Variants in FGD6 observed in about 807,000 individuals in gnomAD.
The protein encoded by FGD6 is FYVE, RhoGEF and PH domain containing 6.
A neutral mutation model predicts 149.4 loss-of-function variants in FGD6; 90 were observed. The observed-to-expected ratio is 0.60, with a 90% confidence interval of 0.51 to 0.72. The LOEUF is 0.72. Among genes scored for constraint, FGD6 ranks in the 30% least tolerant of loss-of-function variants. The pLI is 0.00. For synonymous variants in FGD6, 527 were observed against 584.0 expected, an observed-to-expected ratio of 0.90 and a Z score of 1.41; for missense variants, 1,437 against 1,684.8, an observed-to-expected ratio of 0.85 and a Z score of 2.57.
intron 2 of FGD6, among the ~76,000 whole-genome samples, chr12:95,183,629 A>T (rs1441617573): frequency 6.6e-6 from 1 of 152,180 alleles, no homozygotes. Context: ...ATTTGAACCC[A>T]GGAGTTTGAG....
intron 5 of FGD6, among the ~76,000 whole-genome samples, chr12:95,149,324 TTA>T (rs1426981347): frequency 8.2e-4 from 60 of 73,070 alleles, no homozygotes; most frequent in African/African-American, 2.9e-3. Flanking sequence ...ATAGCATATA[TTA>T]TATAATATAT....
At chr12:95,101,396 C>T (rs1056220873) in intron 14 of FGD6, among the ~76,000 whole-genome samples, 3 of 152,058 alleles carry the variant, frequency 2.0e-5, no homozygotes, top group African/African-American at 4.8e-5. Context: ...GTTCATTACA[C>T]CTGTCTGGTA....
chr12:95,125,826 A>C, intron 8 of FGD6: 1 of 981,806 alleles, frequency 1.0e-6, no homozygotes, highest in South Asian at 1.3e-5. Context: ...TCATGCTGGA[A>C]AATTCATTGT....
chr12:95,201,891 T>C (rs943298067), intron 2 of FGD6, among the ~76,000 whole-genome samples: 2 of 151,960 alleles, frequency 1.3e-5, no homozygotes, highest in Non-Finnish European at 2.9e-5. Flanking sequence ...ATGCAATCTT[T>C]TATTCTCCCA....
chr12:95,139,049 T>A (rs1879764954), intron 6 of FGD6, among the ~76,000 whole-genome samples: 1 of 152,226 alleles, frequency 6.6e-6, no homozygotes. Context: ...TTTCATCAAT[T>A]GTTGTTAAAA....
At chr12:95,207,539 T>C (rs886645698) in intron 2 of FGD6, among the ~76,000 whole-genome samples, 2 of 152,126 alleles carry the variant, frequency 1.3e-5, no homozygotes, top group Admixed American at 6.5e-5. Context: ...AAACAAACAT[T>C]AGAAATACAA....
chr12:95,158,450 G>A (rs955760852), intron 3 of FGD6, among the ~76,000 whole-genome samples: 1 of 151,644 alleles, frequency 6.6e-6, no homozygotes, highest in Admixed American at 6.6e-5. Flanking sequence ...GCTGGGATTA[G>A]AGGCATGATC....
intron 1 of FGD6, among the ~76,000 whole-genome samples, chr12:95,215,938 C>T (rs182093367): frequency 1.8e-4 from 27 of 152,288 alleles, no homozygotes; most frequent in African/African-American, 6.5e-4. Flanking sequence ...AAATCAATTT[C>T]TTGAACGAAG....
At chr12:95,122,244 AT>A (rs1200962867) in intron 8 of FGD6, among the ~76,000 whole-genome samples, 1 of 152,206 alleles carries the variant, frequency 6.6e-6, no homozygotes, top group African/African-American at 2.4e-5. Flanking sequence ...AGCTAAGTAA[AT>A]GGTACTATAA....
chr12:95,207,740 T>A (rs2056700252), intron 2 of FGD6, among the ~76,000 whole-genome samples: 1 of 152,000 alleles, frequency 6.6e-6, no homozygotes. Context: ...ATACAGAACA[T>A]CAGACATGCC....
At chr12:95,105,749 C>A (rs1312556154) in intron 13 of FGD6, among the ~76,000 whole-genome samples, 3 of 152,124 alleles carry the variant, frequency 2.0e-5, no homozygotes, top group Admixed American at 2.0e-4. Flanking sequence ...ACAGGCAGGG[C>A]GCAGTGGCTC....
chr12:95,159,275 C>A (rs1368058794), intron 3 of FGD6, among the ~76,000 whole-genome samples: 1 of 152,078 alleles, frequency 6.6e-6, no homozygotes, highest in Middle Eastern at 3.2e-3. Context: ...GAGGAGGCTA[C>A]TCCATACAAA....
At chr12:95,214,335 T>C (rs1221199380) in intron 1 of FGD6, among the ~76,000 whole-genome samples, 1 of 152,220 alleles carries the variant, frequency 6.6e-6, no homozygotes, top group Non-Finnish European at 1.5e-5. Context: ...TTAGCAGGAA[T>C]CAATTTCAAT....
At chr12:95,143,140 C>T (rs1271325284) in intron 5 of FGD6, among the ~76,000 whole-genome samples, 1 of 152,124 alleles carries the variant, frequency 6.6e-6, no homozygotes, top group African/African-American at 2.4e-5. Flanking sequence ...ACTAATAGGC[C>T]TTATCTTCCC....
In FGD6 at chr12:95,210,037, G is replaced by C. The variant is rs1280786412; in HGVS notation, c.1247C>G (p.Pro416Arg). 2.2e-5 allele frequency: 35 copies of C among 1,613,950 alleles called. No individual in the cohort carries two copies. The highest frequency in any genetic ancestry group is 2.9e-5 in the Non-Finnish European group (34 of 1,179,986). The part of the protein sequence containing the change: ...NETTSFEKMA[P>R]SFDKDSNLSS... ...CAAATTAGAGTCTTTATCAAAAGAA[G>C]GTGCCATTTTTTCAAAGGAAGTTGT... The change falls in exon 2 of 21, where the codon CCT becomes CGT. Residue 416 changes from proline (P) to arginine (R), a missense_variant. Pro to Arg is a moderately radical substitution (Grantham distance 103). Around this residue, in one of 2 missense-constraint regions of FGD6, gnomAD observed 1,055 missense variants for 1,146.0 expected, o/e 0.92. Coordinates refer to ENST00000343958, the MANE Select transcript of FGD6 (RefSeq NM_018351.4).
chr12:95,153,135 C>T, intron 3 of FGD6, 142 bp from the exon 4 acceptor site: 1 of 674,988 alleles, frequency 1.5e-6, no homozygotes, highest in Middle Eastern at 4.0e-4. Context: ...TTTCAAATGG[C>T]AAACGTGGAG....
At chr12:95,119,189 T>C (rs1249309680) in intron 8 of FGD6, among the ~76,000 whole-genome samples, 1 of 152,228 alleles carries the variant, frequency 6.6e-6, no homozygotes, top group African/African-American at 2.4e-5. Context: ...ACTTTGGCCA[T>C]GCCCCATAGC....
rs760706801 is a variant in FGD6 at position 95,210,706 on chromosome 12, G to A, written c.578C>T (p.Pro193Leu). 4 of 1,613,830 alleles carry A rather than the reference G, an allele frequency of 2.5e-6. No homozygotes were observed. The highest frequency in any genetic ancestry group is 3.4e-6 in the Non-Finnish European group (4 of 1,179,960). ...CCTGTGCTTCTGTGCAGAAATAAAA[G>A]GTGGCATTTGGTGTATTAAGGCATC... ...LKDALIHQMP[P>L]FISAQKHRPT... The change falls in exon 2 of 21, where the codon CCT (proline) becomes CTT (leucine). Residue 193 changes from proline to leucine, a missense_variant. Transcript: ENST00000343958.
In FGD6 at chr12:95,108,425, G is replaced by C. The variant is rs182979370; in HGVS notation, c.3193-6C>G. Reference sequence around the variant, plus strand: ...ATAAGTTTCTGAAAGTTGTCCTACAGAAAGACAATGGAAAGCATATGAAGG... The same window carrying C: ...ATAAGTTTCTGAAAGTTGTCCTACACAAAGACAATGGAAAGCATATGAAGG... On this transcript the variant is annotated splice_region_variant and splice_polypyrimidine_tract_variant and intron_variant, in intron 10 of 20. Transcript: ENST00000343958. The C allele has an allele frequency of 5.3e-5, 85 of 1,614,062 alleles. 1 individual carries two copies. The highest frequency in any genetic ancestry group is 6.6e-5 in the Non-Finnish European group (78 of 1,179,972).
Sources: gnomAD v4.1 joint callset for allele counts (sites outside exome capture counted in the v4.1 genomes callset) on GRCh38, gnomAD v4.1.1 for gene constraint, gnomAD v4.1.1 regional missense constraint, MANE v1.5 for transcripts, NCBI Gene and HGNC (gene_info 2026-07-23, HGNC 2026-07-21) for gene names.